The following FBXL20 variants were observed in gnomAD, a reference collection of about 807,000 sequenced individuals.
FBXL20 encodes the protein F-box and leucine rich repeat protein 20.
Under a neutral mutation model 64.0 loss-of-function variants are expected in FBXL20, and 11 were observed. The ratio of observed to expected loss-of-function variants is 0.17; its 90% CI spans 0.11 to 0.28. FBXL20 has a LOEUF of 0.28. FBXL20 is among the 10% of genes least tolerant of loss of function. The probability of loss-of-function intolerance (pLI) is 1.00; values close to 1 mark genes in which losing one functional copy is unlikely to be tolerated. For synonymous variants in FBXL20, 184 were observed against 189.0 expected (o/e 0.97, Z 0.22); for missense variants, 303 against 526.2 (o/e 0.58, Z 4.15).
intron 7 of FBXL20, 127 bp from the exon 8 acceptor site, chr17:39,282,982 T>C (rs1322977885): frequency 2.0e-6 from 2 of 1,016,160 alleles, no homozygotes; most frequent in African/African-American, 1.6e-5. Context: ...AGAAAAAACA[T>C]ATTTACCTAA....
rs1021916787 is a variant in FBXL20 at position 39,282,657 on chromosome 17, G to A, written c.621+72C>T. The stretch of plus-strand genomic sequence containing the variant: ...CCTTTCCCTCCAGACAAACATCTTG[G>A]GGCTGTCTATAAAGAGCTCATGATT... On this transcript the variant is annotated intron_variant, in intron 8 of 14. Coordinates refer to ENST00000264658, the MANE Select transcript of FBXL20 (RefSeq NM_032875.3). 3 of 1,592,582 alleles carry A rather than the reference G, an allele frequency of 1.9e-6. No individual in the cohort carries two copies. In the South Asian group the frequency reaches 3.4e-5, roughly 18 times the overall value.
intron 1 of FBXL20, among the ~76,000 whole-genome samples, chr17:39,398,373 T>C (rs2048208044): frequency 1.3e-5 from 2 of 152,200 alleles, no homozygotes; most frequent in South Asian, 4.1e-4. Flanking sequence ...CAGGAAGTAT[T>C]CAATAACCAT....
At chr17:39,388,576 C>T (rs925946607) in intron 1 of FBXL20, among the ~76,000 whole-genome samples, 5 of 150,662 alleles carry the variant, frequency 3.3e-5, no homozygotes, top group African/African-American at 1.2e-4. Flanking sequence ...CTCCGCCTCT[C>T]GGGTTCAAGC....
At chr17:39,389,806 A>C (rs1461586466) in intron 1 of FBXL20, among the ~76,000 whole-genome samples, 1 of 152,208 alleles carries the variant, frequency 6.6e-6, no homozygotes, top group Admixed American at 6.6e-5. Context: ...TGACAGAGTG[A>C]GACTCTGTCT....
At chr17:39,305,840 C>T (rs2047176792) in intron 2 of FBXL20, among the ~76,000 whole-genome samples, 1 of 151,806 alleles carries the variant, frequency 6.6e-6, no homozygotes, top group African/African-American at 2.4e-5. Context: ...ACAAAATTAG[C>T]CAGGCGTGGT....
rs1178244149 is a variant in FBXL20 at position 39,254,502 on chromosome 17, C to A, written c.*6958G>T. On this transcript the variant is annotated 3_prime_UTR_variant, in exon 15 of 15. Transcript: ENST00000264658. ...AAGGACTGTCATTTACTGCTCACTT[C>A]TCTAGTCCTAGTACCAAAACCATGC... 1 of 154,434 alleles carries A rather than the reference C, an allele frequency of 6.5e-6. No individual in the cohort carries two copies. Among genetic ancestry groups the A allele is most frequent in the African/African-American group, 2.4e-5 (1 of 41,506 alleles). 9.6% of individuals were successfully genotyped at this position (154,434 alleles called of 1,614,324 possible).
chr17:39,350,518 C>CAA (rs5820287), intron 1 of FBXL20, among the ~76,000 whole-genome samples: 349 of 101,748 alleles, frequency 3.4e-3, no homozygotes, highest in Middle Eastern at 0.011. Flanking sequence ...AAAAAAGAAG[C>CAA]AAAAAAAAAA....
At chr17:39,370,504 A>C (rs1047684276) in intron 1 of FBXL20, among the ~76,000 whole-genome samples, 1 of 134,374 alleles carries the variant, frequency 7.4e-6, no homozygotes, top group Non-Finnish European at 1.6e-5. Context: ...AAAAAAAAGA[A>C]GGCCGGGCGC....
At chr17:39,319,442 T>C (rs900862974) in intron 2 of FBXL20, among the ~76,000 whole-genome samples, 1 of 151,930 alleles carries the variant, frequency 6.6e-6, no homozygotes, top group African/African-American at 2.4e-5. Context: ...ATCCCAACAC[T>C]TTGGGAGGAC....
At chr17:39,299,174 G>A in intron 4 of FBXL20, 90 bp from the exon 5 acceptor site, 1 of 928,718 alleles carries the variant, frequency 1.1e-6, no homozygotes, top group Admixed American at 2.5e-5. Flanking sequence ...TATAAACAAA[G>A]AGAAAATGCT....
intron 1 of FBXL20, among the ~76,000 whole-genome samples, chr17:39,382,971 A>G (rs1347215465): frequency 6.6e-6 from 1 of 151,794 alleles, no homozygotes; most frequent in Non-Finnish European, 1.5e-5. Context: ...CTTGGCCAAC[A>G]TGGTGAAACC....
chr17:39,398,706 G>A (rs1323879616), intron 1 of FBXL20, among the ~76,000 whole-genome samples: 3 of 151,436 alleles, frequency 2.0e-5, no homozygotes, highest in Non-Finnish European at 4.4e-5. Flanking sequence ...GGAATCTCTC[G>A]CTCTGTCGCC....
Position 39,394,025 on chromosome 17 carries a change from C to A in FBXL20, c.42+7336G>T, listed in dbSNP as rs567006565. ...TAAAACTGTAAACCACAGTTGGATG[C>A]CTTGGCTCTTCTGAGCCAATATTTG... On this transcript the variant is annotated intron_variant, in intron 1 of 14. Transcript: ENST00000264658. Among the ~76,000 whole-genome samples the A allele has an allele frequency of 4.6e-5, 7 of 152,246 alleles. No homozygotes were observed. In the East Asian group the frequency reaches 1.3e-3, roughly 29 times the overall value.
At chr17:39,308,112 T>C (rs988301751) in intron 2 of FBXL20, among the ~76,000 whole-genome samples, 4 of 151,364 alleles carry the variant, frequency 2.6e-5, no homozygotes, top group African/African-American at 7.3e-5. Flanking sequence ...CCAAGGCAGG[T>C]GGAGGATCAC....
At chr17:39,370,288 C>G (rs867751637) in intron 1 of FBXL20, among the ~76,000 whole-genome samples, 2 of 137,806 alleles carry the variant, frequency 1.5e-5, no homozygotes, top group Non-Finnish European at 3.1e-5. Flanking sequence ...ATCAGGAGTT[C>G]GAGACCAGCC....
chr17:39,276,874 C>T (rs1051544549), intron 9 of FBXL20, among the ~76,000 whole-genome samples: 3 of 152,130 alleles, frequency 2.0e-5, no homozygotes, highest in African/African-American at 7.2e-5. Context: ...ATCGCTTTAG[C>T]CCAGGAGTTC....
At chr17:39,353,127 A>G (rs764780797) in intron 1 of FBXL20, among the ~76,000 whole-genome samples, 5 of 152,216 alleles carry the variant, frequency 3.3e-5, no homozygotes, top group Non-Finnish European at 5.9e-5. Flanking sequence ...TTGCAGGGAT[A>G]CCATGCCAAT....
intron 2 of FBXL20, among the ~76,000 whole-genome samples, chr17:39,324,387 C>G (rs2047390372): frequency 6.7e-6 from 1 of 149,884 alleles, no homozygotes; most frequent in Non-Finnish European, 1.5e-5. Context: ...CTCCCAGGTT[C>G]AAGCGATTCT....
intron 2 of FBXL20, among the ~76,000 whole-genome samples, chr17:39,320,286 A>C (rs2047343293): frequency 6.6e-6 from 1 of 152,158 alleles, no homozygotes; most frequent in Non-Finnish European, 1.5e-5. Flanking sequence ...AAAATAATTA[A>C]AAAAATATGT....
Sources: allele counts gnomAD v4.1 joint callset (sites outside exome capture counted in the v4.1 genomes callset), GRCh38; gene constraint gnomAD v4.1.1; transcripts MANE v1.5; gene names NCBI Gene and HGNC (gene_info 2026-07-23, HGNC 2026-07-21).